Variants in CDH9 observed in about 807,000 individuals in gnomAD.
CDH9 encodes cadherin 9.
Under a neutral mutation model 70.9 loss-of-function variants are expected in CDH9, and 28 were observed. That is an observed-to-expected ratio of 0.40 (90% CI 0.29 to 0.54). The LOEUF is 0.54. CDH9 is among the 20% of genes least tolerant of loss of function. CDH9 has a pLI of 0.59. For synonymous variants in CDH9, 409 were observed against 343.1 expected (o/e 1.19, Z -2.12); for missense variants, 874 against 984.4 (o/e 0.89, Z 1.50).
In CDH9 at chr5:26,964,903, A is replaced by C. The variant is rs1188563331; in HGVS notation, c.228+23203T>G. Among the ~76,000 whole-genome samples the C allele has an allele frequency of 9.3e-5, 14 of 150,764 alleles. No homozygotes were observed. The Admixed American group carries it at 9.4e-4, about 10-fold the overall frequency. On this transcript the variant is annotated intron_variant, in intron 2 of 11. Transcript: ENST00000231021. The stretch of plus-strand genomic sequence containing the variant: ...TGTGGTGTTTGATTTTGCTTTCATG[A>C]ATCTAACACCTTTTCTAAACACCTT...
chr5:26,924,518 A>AAT (rs1261761764), intron 2 of CDH9, among the ~76,000 whole-genome samples: 2,544 of 149,338 alleles, frequency 0.017, 71 homozygotes, highest in African/African-American at 0.059. Flanking sequence ...TAGAGGAGGA[A>AAT]ATATATATAT....
At chr5:26,945,935 C>T (rs531133065) in intron 2 of CDH9, among the ~76,000 whole-genome samples, 1 of 152,192 alleles carries the variant, frequency 6.6e-6, no homozygotes, top group Non-Finnish European at 1.5e-5. Flanking sequence ...TTGGTATAAT[C>T]TCCTTGCAAG....
At chr5:27,037,916 T>C (rs1014218525) in intron 1 of CDH9, among the ~76,000 whole-genome samples, 2 of 151,974 alleles carry the variant, frequency 1.3e-5, no homozygotes, top group Non-Finnish European at 2.9e-5. Flanking sequence ...TGACATCCAA[T>C]ATGCATCTGT....
chr5:26,909,108 C>G (rs573464966), intron 3 of CDH9, among the ~76,000 whole-genome samples: 78 of 152,096 alleles, frequency 5.1e-4, no homozygotes, highest in African/African-American at 1.6e-3. Flanking sequence ...CTCAGCCTCC[C>G]GAGTAGCTGG....
chr5:26,975,797 A>G (rs1742294803), intron 2 of CDH9, among the ~76,000 whole-genome samples: 1 of 152,214 alleles, frequency 6.6e-6, no homozygotes, highest in South Asian at 2.1e-4. Flanking sequence ...CTATATCATA[A>G]CCAGGCTTTC....
chr5:26,883,930 A>C (rs1301931932), intron 11 of CDH9, among the ~76,000 whole-genome samples: 2 of 152,140 alleles, frequency 1.3e-5, no homozygotes, highest in African/African-American at 4.8e-5. Context: ...GTGCTATGTC[A>C]CTATCTTATG....
At chr5:26,888,198 T>C (rs1028446847) in intron 9 of CDH9, among the ~76,000 whole-genome samples, 3 of 152,302 alleles carry the variant, frequency 2.0e-5, no homozygotes, top group East Asian at 1.9e-4. Flanking sequence ...GCCAAGTACA[T>C]AGGCAATCAT....
intron 2 of CDH9, among the ~76,000 whole-genome samples, chr5:26,931,517 A>T (rs768270644): frequency 6.6e-6 from 1 of 152,170 alleles, no homozygotes; most frequent in Non-Finnish European, 1.5e-5. Context: ...TTAAGATAAG[A>T]TTTGACAAAA....
chr5:26,908,316 A>C (rs1160307360), intron 3 of CDH9, among the ~76,000 whole-genome samples: 1 of 140,780 alleles, frequency 7.1e-6, no homozygotes, highest in East Asian at 2.1e-4. Context: ...AAATCACTTT[A>C]TGATGTGCAG....
At chr5:26,922,216 T>C (rs1741257986) in intron 2 of CDH9, among the ~76,000 whole-genome samples, 1 of 151,938 alleles carries the variant, frequency 6.6e-6, no homozygotes, top group Non-Finnish European at 1.5e-5. Context: ...AAAATATTAA[T>C]ATTCAAGGAC....
intron 1 of CDH9, among the ~76,000 whole-genome samples, chr5:27,012,293 T>G (rs113195205): frequency 0.02 from 2,996 of 152,098 alleles, 90 homozygotes; most frequent in African/African-American, 0.069. Context: ...ATTATTATTT[T>G]TTAATATTTT....
At position 26,886,048 on chromosome 5, in the gene CDH9, G is replaced by C; in HGVS notation, c.1548C>G (p.Asp516Glu). The change falls in exon 10 of 12, where the codon GAC becomes GAG. Residue 516 changes from aspartate to glutamate, a missense_variant. Physicochemically the swap from Asp to Glu is conservative, Grantham distance 45. Transcript: ENST00000231021. Reference protein sequence around the residue: ...IQTVSVMDKDDPPRGHKFFFE... With the variant: ...IQTVSVMDKDEPPRGHKFFFE... Reference sequence around the variant, plus strand: ...AAAAGAATTTGTGACCTCGGGGAGGGTCATCCTTATCCATGACACTGACAG... The same window carrying C: ...AAAAGAATTTGTGACCTCGGGGAGGCTCATCCTTATCCATGACACTGACAG... 1.9e-6 allele frequency: 3 copies of C among 1,609,612 alleles called. No individual in the cohort carries two copies. The highest frequency in any genetic ancestry group is 2.5e-6 in the Non-Finnish European group (3 of 1,178,936).
intron 2 of CDH9, among the ~76,000 whole-genome samples, chr5:26,966,565 T>C (rs986382177): frequency 1.3e-5 from 2 of 152,210 alleles, no homozygotes; most frequent in East Asian, 1.9e-4. Context: ...GGTGTCTCTA[T>C]TAGCTTTCTT....
intron 2 of CDH9, among the ~76,000 whole-genome samples, chr5:26,951,023 C>T (rs1741834389): frequency 2.0e-5 from 3 of 151,922 alleles, no homozygotes. Context: ...AAGGCGTGTG[C>T]TGGCTCGCGC....
At chr5:26,998,303 A>C (rs1214612834) in intron 1 of CDH9, among the ~76,000 whole-genome samples, 1 of 152,140 alleles carries the variant, frequency 6.6e-6, no homozygotes, top group Non-Finnish European at 1.5e-5. Context: ...GGCACTATTC[A>C]CAATAGCAAA....
At chr5:27,015,857 C>A (rs1049391557) in intron 1 of CDH9, among the ~76,000 whole-genome samples, 2 of 151,622 alleles carry the variant, frequency 1.3e-5, no homozygotes, top group Non-Finnish European at 3.0e-5. Context: ...AGAACATTTA[C>A]CATGTCATTA....
Position 26,917,280 on chromosome 5 carries a change from G to T in CDH9, c.229-1356C>A, listed in dbSNP as rs147235223. Among the ~76,000 whole-genome samples the T allele has an allele frequency of 1.6e-3, 245 of 151,946 alleles. 2 individuals carry two copies. Among genetic ancestry groups the T allele is most frequent in the African/African-American group, 4.2e-3 (174 of 41,512 alleles). On this transcript the variant is annotated intron_variant, in intron 2 of 11. Coordinates refer to ENST00000231021, the MANE Select transcript of CDH9 (RefSeq NM_016279.4). Reference sequence around the variant, plus strand: ...TTGTGGTGAGAACATTTACAAGGATGTGGATGCAGATGGGAGATATTGATC... The same window carrying T: ...TTGTGGTGAGAACATTTACAAGGATTTGGATGCAGATGGGAGATATTGATC...
At chr5:26,891,004 A>G (rs1273876129) in intron 7 of CDH9, among the ~76,000 whole-genome samples, 3 of 152,238 alleles carry the variant, frequency 2.0e-5, no homozygotes, top group Non-Finnish European at 4.4e-5. Flanking sequence ...GAAGGCTATT[A>G]TAAAATACAT....
At chr5:26,929,058 C>T (rs1284534977) in intron 2 of CDH9, among the ~76,000 whole-genome samples, 5 of 151,754 alleles carry the variant, frequency 3.3e-5, no homozygotes, top group Non-Finnish European at 7.4e-5. Flanking sequence ...AAGAGACAAC[C>T]TAAAGAATGA....
Sources: allele counts gnomAD v4.1 joint callset (sites outside exome capture counted in the v4.1 genomes callset), GRCh38; gene constraint gnomAD v4.1.1; transcripts MANE v1.5; gene names NCBI Gene and HGNC (gene_info 2026-07-23, HGNC 2026-07-21).